The following AK7 variants were observed in gnomAD, a reference collection of about 807,000 sequenced individuals.
AK7 encodes adenylate kinase 7, also known as ATP-AMP transphosphorylase 7.
In AK7, 78 loss-of-function variants were observed where a neutral mutation model predicts 96.6. The observed-to-expected ratio is 0.81, with a 90% CI of 0.67 to 0.97. The LOEUF (loss-of-function observed/expected upper bound fraction) is 0.97, where lower values mean the gene tolerates loss of function less well. AK7 is among the 50% of genes least tolerant of loss of function. The pLI is 0.00. For missense variants in AK7, 855 were observed against 887.9 expected (o/e 0.96, Z 0.47); for synonymous variants, 302 against 317.2 (o/e 0.95, Z 0.51).
intron 5 of AK7, chr14:96,424,291 T>G (rs912926945): frequency 2.5e-6 from 1 of 407,842 alleles, no homozygotes; most frequent in African/African-American, 2.2e-5. Flanking sequence ...GACACGGGGG[T>G]CTCCGCCAGC....
At chr14:96,437,615 G>A (rs1323407861) in intron 5 of AK7, among the ~76,000 whole-genome samples, 1 of 152,132 alleles carries the variant, frequency 6.6e-6, no homozygotes, top group Non-Finnish European at 1.5e-5. Context: ...TTAATTAGGA[G>A]TCCTTGTTAA....
chr14:96,430,457 G>A (rs376170024), intron 5 of AK7, among the ~76,000 whole-genome samples: 43 of 152,192 alleles, frequency 2.8e-4, no homozygotes, highest in African/African-American at 9.9e-4. Flanking sequence ...CAAAGTGCTG[G>A]GATTACAGGT....
chr14:96,420,975 T>C, intron 5 of AK7, 43 bp downstream of exon 5: 1 of 1,345,782 alleles, frequency 7.4e-7, no homozygotes, highest in South Asian at 1.2e-5. Context: ...CTGAAGTCTT[T>C]AAACATCTCT....
At chr14:96,414,712 C>G (rs1891224304) in intron 4 of AK7, among the ~76,000 whole-genome samples, 1 of 149,852 alleles carries the variant, frequency 6.7e-6, no homozygotes, top group African/African-American at 2.5e-5. Context: ...GCCCAAGAAA[C>G]AGGCCAAGAA....
chr14:96,478,907 CTT>C (rs147640900), intron 15 of AK7, among the ~76,000 whole-genome samples: 18 of 140,868 alleles, frequency 1.3e-4, no homozygotes, highest in Non-Finnish European at 1.1e-4. Flanking sequence ...ATGACAAATC[CTT>C]TTTTTTTTTT....
chr14:96,483,515 G>T (rs550209006), intron 16 of AK7, among the ~76,000 whole-genome samples: 99 of 151,552 alleles, frequency 6.5e-4, no homozygotes, highest in Middle Eastern at 3.4e-3. Context: ...TCTGCCTCCC[G>T]GGTTCAAGTG....
chr14:96,455,846 G>A (rs1893866609), intron 10 of AK7, among the ~76,000 whole-genome samples: 1 of 152,146 alleles, frequency 6.6e-6, no homozygotes, highest in Non-Finnish European at 1.5e-5. Context: ...GGATGATGTG[G>A]CAGTCACCCT....
At chr14:96,433,943 T>C (rs1278907283) in intron 5 of AK7, among the ~76,000 whole-genome samples, 1 of 152,222 alleles carries the variant, frequency 6.6e-6, no homozygotes, top group African/African-American at 2.4e-5. Flanking sequence ...TCCGATGGAA[T>C]TCTGAATTCC....
In AK7 at chr14:96,458,110, G is replaced by A. The variant is rs138340618; in HGVS notation, c.1255G>A (p.Gly419Arg). 11 of 1,613,676 alleles carry A rather than the reference G, an allele frequency of 6.8e-6. No homozygotes were observed. The highest frequency in any genetic ancestry group is 9.3e-6 in the Non-Finnish European group (11 of 1,179,892). ...LEAIVAPNDV[G>R]EGEEEVEEEE... Reference sequence around the variant, plus strand: ...GGCGATTGTTGCCCCTAACGATGTAGGGGAAGGAGAAGAAGAAGTCGAAGA... The same window carrying A: ...GGCGATTGTTGCCCCTAACGATGTAAGGGAAGGAGAAGAAGAAGTCGAAGA... Residue 419 changes from glycine to arginine, a missense_variant, in exon 12 of 18, where the codon GGG becomes AGG. Transcript: ENST00000267584.
chr14:96,478,155 GAGGAAGGA>G (rs536410683), intron 14 of AK7, among the ~76,000 whole-genome samples: 1 of 146,594 alleles, frequency 6.8e-6, no homozygotes, highest in Non-Finnish European at 1.5e-5. Flanking sequence ...GTTAGAAAGG[GAGGAAGGA>G]AGGAAGGAAG....
At chr14:96,392,290 G>C (rs1056682723) in intron 1 of AK7, 31 bp downstream of exon 1, 1 of 1,571,402 alleles carries the variant, frequency 6.4e-7, no homozygotes, top group Non-Finnish European at 8.8e-7. Context: ...AGAGCCTCAC[G>C]CCAGCTCTCA....
intron 4 of AK7, among the ~76,000 whole-genome samples, chr14:96,415,796 A>G (rs1165753467): frequency 6.7e-6 from 1 of 149,734 alleles, no homozygotes; most frequent in Non-Finnish European, 1.5e-5. Context: ...TACATTAATT[A>G]ATTAAATTAA....
At chr14:96,472,969 C>T (rs531173469) in intron 14 of AK7, among the ~76,000 whole-genome samples, 6 of 152,124 alleles carry the variant, frequency 3.9e-5, no homozygotes, top group African/African-American at 1.4e-4. Context: ...GTAGTCCTAG[C>T]TACTCGGGAG....
At chr14:96,456,562 C>T in intron 11 of AK7, 87 bp downstream of exon 11, 1 of 1,463,278 alleles carries the variant, frequency 6.8e-7, no homozygotes, top group Non-Finnish European at 9.3e-7. Flanking sequence ...TCGAATTAGC[C>T]AGCTGGATGC....
At chr14:96,397,234 C>T (rs989080151) in intron 1 of AK7, among the ~76,000 whole-genome samples, 4 of 152,084 alleles carry the variant, frequency 2.6e-5, no homozygotes, top group Non-Finnish European at 4.4e-5. Context: ...GGATATATTG[C>T]ATTAAATACC....
At chr14:96,402,789 T>A (rs1192185982) in intron 2 of AK7, among the ~76,000 whole-genome samples, 2 of 151,226 alleles carry the variant, frequency 1.3e-5, no homozygotes, top group Non-Finnish European at 2.9e-5. Context: ...TATTTCTGAA[T>A]ATGGCCATAT....
At chr14:96,416,804 A>G (rs1891374157) in intron 4 of AK7, among the ~76,000 whole-genome samples, 1 of 152,244 alleles carries the variant, frequency 6.6e-6, no homozygotes, top group Admixed American at 6.5e-5. Context: ...CTGGTCGCAA[A>G]GGTGCATCAT....
At chr14:96,481,719 T>C (rs1895514033) in intron 15 of AK7, among the ~76,000 whole-genome samples, 1 of 151,490 alleles carries the variant, frequency 6.6e-6, no homozygotes, top group South Asian at 2.1e-4. Flanking sequence ...TTTTTTTTTT[T>C]TTTGAGACAA....
At chr14:96,473,445 G>A (rs1002419349) in intron 14 of AK7, among the ~76,000 whole-genome samples, 2 of 150,058 alleles carry the variant, frequency 1.3e-5, no homozygotes, top group African/African-American at 4.9e-5. Flanking sequence ...TTACAAGTGT[G>A]AGCCACCTTG....
Sources: allele counts gnomAD v4.1 joint callset (sites outside exome capture counted in the v4.1 genomes callset), GRCh38; gene constraint gnomAD v4.1.1; transcripts MANE v1.5; gene names NCBI Gene and HGNC (gene_info 2026-07-23, HGNC 2026-07-21).